The following ITGA2B variants were observed in gnomAD, a reference collection of about 807,000 sequenced individuals.
The protein encoded by ITGA2B is integrin subunit alpha 2b, also known as integrin alpha-IIb.
ITGA2B carries 91 observed loss-of-function variants against 142.0 expected under a neutral mutation model. The ratio of observed to expected loss-of-function variants is 0.64; its 90% confidence interval spans 0.54 to 0.76. ITGA2B has a LOEUF of 0.76. Ranked by LOEUF, ITGA2B falls within the 30% of genes least tolerant of loss-of-function variation. ITGA2B has a pLI of 0.00. For synonymous variants in ITGA2B, 536 were observed against 567.2 expected (o/e 0.94, Z 0.78); for missense variants, 1,231 against 1,350.8 (o/e 0.91, Z 1.39).
At chr17:44,385,509 G>T (rs2048638873) in intron 4 of ITGA2B, 42 bp downstream of exon 4, 5 of 1,535,394 alleles carry the variant, frequency 3.3e-6, no homozygotes, top group Non-Finnish European at 4.4e-6. Context: ...GCGGGGCCAA[G>T]CCGTCGCGAG....
At chr17:44,372,641 T>C (rs570044317) in intron 29 of ITGA2B, among the ~76,000 whole-genome samples, 2 of 152,148 alleles carry the variant, frequency 1.3e-5, no homozygotes, top group African/African-American at 2.4e-5. Flanking sequence ...ATTTTTTTCT[T>C]TTTTTTAGAG....
In ITGA2B at chr17:44,375,579, G is replaced by A. The variant is rs374377238; in HGVS notation, c.2727+12C>T. Reference sequence around the variant, plus strand: ...CGGGGAGGCCGGGCCAGAGACCAGAGAGCCTGCTCACTACGAGAACTGGAT... The same window carrying A: ...CGGGGAGGCCGGGCCAGAGACCAGAAAGCCTGCTCACTACGAGAACTGGAT... On this transcript the variant is annotated intron_variant, in intron 26 of 29. Coordinates refer to ENST00000262407, the MANE Select transcript of ITGA2B (RefSeq NM_000419.5). The A allele has an allele frequency of 6.2e-7, 1 of 1,613,708 alleles. No individual in the cohort carries two copies. Among genetic ancestry groups the A allele is most frequent in the African/African-American group, 1.3e-5 (1 of 75,046 alleles).
At position 44,372,427 on chromosome 17, in the gene ITGA2B, G is replaced by A. The variant is rs530669664; in HGVS notation, c.3061-4C>T. On this transcript the variant is annotated splice_polypyrimidine_tract_variant and splice_region_variant and intron_variant, in intron 29 of 29. Coordinates refer to ENST00000262407, the MANE Select transcript of ITGA2B (RefSeq NM_000419.5). The stretch of plus-strand genomic sequence containing the variant: ...GGTTCCGCTTGAAGAAGCCGACCTG[G>A]GGGTACACGGGGGCCAAGGTCAGGG... 4 of 1,613,884 alleles carry A rather than the reference G, an allele frequency of 2.5e-6. No homozygotes were observed. The East Asian group carries it at 6.7e-5, about 27-fold the overall frequency.
At chr17:44,376,786 T>A (rs1049591194) in intron 22 of ITGA2B, among the ~76,000 whole-genome samples, 1 of 151,986 alleles carries the variant, frequency 6.6e-6, no homozygotes, top group African/African-American at 2.4e-5. Context: ...CTAATTTTTA[T>A]ATTTTTAGTA....
At chr17:44,386,735 A>G (rs1406902402) in intron 1 of ITGA2B, among the ~76,000 whole-genome samples, 2 of 152,260 alleles carry the variant, frequency 1.3e-5, no homozygotes, top group Admixed American at 1.3e-4. Context: ...AGTAACGGTT[A>G]GCATGGTCCC....
chr17:44,375,375 C>T, intron 26 of ITGA2B: 1 of 648,950 alleles, frequency 1.5e-6, no homozygotes, highest in Non-Finnish European at 2.7e-6. Context: ...GTTTTATGCT[C>T]CTTAACGTAC....
intron 18 of ITGA2B, among the ~76,000 whole-genome samples, chr17:44,379,337 G>C (rs1408967802): frequency 6.7e-6 from 1 of 149,860 alleles, no homozygotes; most frequent in Admixed American, 6.7e-5. Context: ...TGCAACCTCT[G>C]CCTCCTGGGT....
chr17:44,381,843 G>T (rs2048600101), intron 12 of ITGA2B, among the ~76,000 whole-genome samples: 1 of 147,894 alleles, frequency 6.8e-6, no homozygotes, highest in African/African-American at 2.5e-5. Context: ...GGCCAGGCTG[G>T]TGTCAAACTC....
rs1210956482 is a variant in ITGA2B at position 44,378,706 on chromosome 17, C to T, written c.1883G>A (p.Arg628Gln). The T allele has an allele frequency of 7.1e-6, 11 of 1,555,888 alleles. No individual in the cohort carries two copies. The highest frequency in any genetic ancestry group is 3.9e-5 in the Admixed American group (2 of 51,372). The change falls in exon 19 of 30, where the codon CGA becomes CAA. Residue 628 changes from arginine (R) to glutamine (Q), a missense_variant. Arg to Gln is a conservative substitution (Grantham distance 43, BLOSUM62 1). Coordinates refer to ENST00000262407, the MANE Select transcript of ITGA2B (RefSeq NM_000419.5). ...ATCTTCCCCACAGTCCAGGACGATT[C>T]GTGTCTAGAGGGGCACATTGGGGTG... ...HGDTHVQEQTRIVLDCGEDDV... is the reference protein window; with the variant it reads ...HGDTHVQEQTQIVLDCGEDDV...
chr17:44,380,968 G>C lies in ITGA2B; in HGVS notation c.1304C>G (p.Ser435Cys). 1.2e-6 allele frequency: 2 copies of C among 1,614,112 alleles called. No homozygotes were observed. The highest frequency in any genetic ancestry group is 1.6e-4 in the Middle Eastern group (1 of 6,062). The change falls in exon 13 of 30, where the codon TCC becomes TGC. Residue 435 changes from serine (S) to cysteine (C), a missense_variant. Ser to Cys is a moderately radical substitution (Grantham distance 112). This residue lies in a region of ITGA2B where 908 missense variants were observed against 1,021.1 expected (regional missense o/e 0.89). Transcript: ENST00000262407. ...GGGGAAGGGGCTGTCCAGGACCTGGGAGGGACGTGACCTCAGCCCCTCACT... is the reference window on the plus strand; with the variant it reads ...GGGGAAGGGGCTGTCCAGGACCTGGCAGGGACGTGACCTCAGCCCCTCACT... ...GQSEGLRSRP[S>C]QVLDSPFPTG...
chr17:44,384,921 G>T, intron 7 of ITGA2B, 27 bp downstream of exon 7: 1 of 1,613,786 alleles, frequency 6.2e-7, no homozygotes, highest in Non-Finnish European at 8.5e-7. Flanking sequence ...CCCTCGGGGT[G>T]CTGGAAGTCT....
At chr17:44,385,975 T>C (rs779942751) in intron 2 of ITGA2B, 35 bp downstream of exon 2, 1 of 1,614,162 alleles carries the variant, frequency 6.2e-7, no homozygotes, top group Non-Finnish European at 8.5e-7. Context: ...CACGTCCCTC[T>C]GACCCCAACC....
Position 44,381,060 on chromosome 17 carries a change from G to A in ITGA2B, c.1212C>T (p.Asp404=), listed in dbSNP as rs759594533. The part of the protein sequence containing the change: ...LGDLDRDGYN[D]IAVAAPYGGP... ...CCCCGTAGGGGGCAGCCACTGCAAT[G>A]TCTGGAAGGAGTAACAGAAAGGAAG... Residue 404 remains aspartate, a splice_region_variant and synonymous_variant, in exon 13 of 30, where the codon GAC becomes GAT. Transcript: ENST00000262407. 11 of 1,613,222 alleles carry A rather than the reference G, an allele frequency of 6.8e-6. No homozygotes were observed. The highest frequency in any genetic ancestry group is 9.3e-6 in the Non-Finnish European group (11 of 1,179,624).
intron 1 of ITGA2B, among the ~76,000 whole-genome samples, chr17:44,389,034 C>T (rs2048675664): frequency 6.6e-6 from 1 of 152,040 alleles, no homozygotes. Flanking sequence ...AAAAATAAAG[C>T]ATCAACTCTT....
At chr17:44,385,485 G>T (rs775260280) in intron 4 of ITGA2B, 66 bp downstream of exon 4, 2 of 1,527,394 alleles carry the variant, frequency 1.3e-6, no homozygotes, top group Non-Finnish European at 1.8e-6. Context: ...CGCTGGGGGC[G>T]GGATCCGATG....
In ITGA2B at chr17:44,384,107, A is replaced by T. The variant is rs1277811678; in HGVS notation, c.923T>A (p.Leu308Gln). The part of the protein sequence containing the change: ...VEILDSYYQR[L>Q]HRLRGEQMAS... ...CACCTGCTCTCCGCGCAGCCGATGC[A>T]GCCTCTGGTAGTAGGAATCCAAAAT... Residue 308 changes from leucine (L) to glutamine (Q), a missense_variant, in exon 10 of 30, where the codon CTG becomes CAG. By Grantham distance (113) the Leu-to-Gln change is moderately radical (BLOSUM62 -2). Transcript: ENST00000262407. 2 of 1,613,634 alleles carry T rather than the reference A, an allele frequency of 1.2e-6. No individual in the cohort carries two copies. The highest frequency in any genetic ancestry group is 4.5e-5 in the East Asian group (2 of 44,888).
In ITGA2B at chr17:44,376,080, A is replaced by G; in HGVS notation, c.2448+5T>C. The G allele has an allele frequency of 1.2e-6, 2 of 1,614,090 alleles. No homozygotes were observed. Among genetic ancestry groups the G allele is most frequent in the Non-Finnish European group, 1.7e-6 (2 of 1,180,004 alleles). ...CCCAGCCAGGGACGCGAGGCTCCCCAATACCTCATAGGTGTGCTCCACTTT... is the reference window on the plus strand; with the variant it reads ...CCCAGCCAGGGACGCGAGGCTCCCCGATACCTCATAGGTGTGCTCCACTTT... On this transcript the variant is annotated splice_donor_5th_base_variant and intron_variant, in intron 24 of 29. Coordinates refer to ENST00000262407, the MANE Select transcript of ITGA2B (RefSeq NM_000419.5).
intron 22 of ITGA2B, 30 bp downstream of exon 22, chr17:44,376,979 G>C (rs931931281): frequency 2.6e-6 from 4 of 1,544,182 alleles, no homozygotes; most frequent in Admixed American, 1.9e-5. Flanking sequence ...GGGGAAGGGT[G>C]GTGGGTAGGC....
In ITGA2B at chr17:44,385,017, A is replaced by C. The variant is rs769154652; in HGVS notation, c.730T>G (p.Leu244Val). The C allele has an allele frequency of 6.2e-7, 1 of 1,614,106 alleles. No homozygotes were observed. The highest frequency in any genetic ancestry group is 1.7e-5 in the Admixed American group (1 of 60,016). ...IFSSYRPGIL[L>V]WHVSSQSLSF... ...AGGCTCTGGGAGGACACGTGCCACAAAAGGATGCCTGGGCGGTAACTCGAG... is the reference window on the plus strand; with the variant it reads ...AGGCTCTGGGAGGACACGTGCCACACAAGGATGCCTGGGCGGTAACTCGAG... Residue 244 changes from leucine to valine, a missense_variant, in exon 7 of 30, where the codon TTG (leucine) becomes GTG (valine). Transcript: ENST00000262407.
Sources: gnomAD v4.1 joint callset for allele counts (sites outside exome capture counted in the v4.1 genomes callset) on GRCh38, gnomAD v4.1.1 for gene constraint, gnomAD v4.1.1 regional missense constraint, MANE v1.5 for transcripts, NCBI Gene and HGNC (gene_info 2026-07-23, HGNC 2026-07-21) for gene names.